Variants in CEP63 observed in about 807,000 individuals in gnomAD.
CEP63 encodes the protein centrosomal protein of 63 kDa.
In CEP63, 84 loss-of-function variants were observed where a neutral mutation model predicts 89.1. That is an observed-to-expected ratio of 0.94 (90% confidence interval 0.79 to 1.13). The LOEUF is 1.13. CEP63 is among the 50% of genes most tolerant of loss of function. The pLI is 0.00. For missense variants in CEP63, 838 were observed against 813.3 expected (o/e 1.03, Z -0.37); for synonymous variants, 267 against 272.5 (o/e 0.98, Z 0.20).
the CEP63 span, among the ~76,000 whole-genome samples, chr3:134,742,391 G>A: frequency 8.5e-5 from 13 of 152,264 alleles, no homozygotes; most frequent in South Asian, 2.3e-3. Flanking sequence ...TGGGTGGGTG[G>A]TGAACACCAG....
chr3:134,781,218 G>C, the CEP63 span, among the ~76,000 whole-genome samples: 7 of 151,818 alleles, frequency 4.6e-5, no homozygotes, highest in East Asian at 1.4e-3. Context: ...TGAACTTCAG[G>C]GTCAAATTGT....
At chr3:134,542,332 T>C (rs1041586566) in intron 6 of CEP63, among the ~76,000 whole-genome samples, 1 of 152,236 alleles carries the variant, frequency 6.6e-6, no homozygotes, top group African/African-American at 2.4e-5. Flanking sequence ...ATCTGTTGTC[T>C]TGGTAGAATT....
the CEP63 span, among the ~76,000 whole-genome samples, chr3:134,613,930 T>G: frequency 6.6e-5 from 10 of 152,176 alleles, no homozygotes; most frequent in African/African-American, 2.4e-4. Flanking sequence ...CCGCACACAC[T>G]GTGTATAAAG....
chr3:134,566,119 C>A (rs888389545), downstream of CEP63, among the ~76,000 whole-genome samples: 3 of 64,672 alleles, frequency 4.6e-5, no homozygotes, highest in South Asian at 7.9e-4. Flanking sequence ...TTCAGACATA[C>A]AATTCACATC....
chr3:134,495,051 G>C (rs1939306007), intron 1 of CEP63, among the ~76,000 whole-genome samples: 1 of 152,150 alleles, frequency 6.6e-6, no homozygotes, highest in Middle Eastern at 3.2e-3. Flanking sequence ...TGAGATATTT[G>C]ATATTTACAC....
chr3:134,654,483 A>T, the CEP63 span, among the ~76,000 whole-genome samples: 1 of 152,166 alleles, frequency 6.6e-6, no homozygotes, highest in Non-Finnish European at 1.5e-5. Context: ...GCACACAGAG[A>T]GTTCTGTGAG....
intron 12 of CEP63, chr3:134,553,133 C>T (rs886419937): frequency 6.6e-6 from 1 of 151,992 alleles, no homozygotes; most frequent in Non-Finnish European, 1.5e-5. Context: ...GAGAGTATTC[C>T]TCCAAAAAGA....
chr3:134,685,962 A>T, the CEP63 span, among the ~76,000 whole-genome samples: 22 of 152,288 alleles, frequency 1.4e-4, no homozygotes, highest in South Asian at 8.3e-4. Context: ...AATGTTACCT[A>T]CATTTCCTCT....
chr3:134,617,421 T>C, the CEP63 span, among the ~76,000 whole-genome samples: 4 of 152,130 alleles, frequency 2.6e-5, no homozygotes, highest in Non-Finnish European at 5.9e-5. Context: ...CTGAGATGGG[T>C]ATTCGCAGGG....
the CEP63 span, among the ~76,000 whole-genome samples, chr3:134,737,049 A>T: frequency 6.6e-6 from 1 of 152,224 alleles, no homozygotes; most frequent in African/African-American, 2.4e-5. Flanking sequence ...TTTTTGATCA[A>T]TGGAAAAAGG....
At chr3:134,531,704 T>C in intron 3 of CEP63, 141 bp from the exon 4 acceptor site, 2 of 644,224 alleles carry the variant, frequency 3.1e-6, no homozygotes, top group South Asian at 3.6e-5. Flanking sequence ...TTTGACTTCC[T>C]AAGAAGTGGG....
At chr3:134,729,777 A>T in the CEP63 span, among the ~76,000 whole-genome samples, 1 of 152,252 alleles carries the variant, frequency 6.6e-6, no homozygotes. Flanking sequence ...AAAGCCAGTT[A>T]GGGTCAGAGC....
the CEP63 span, among the ~76,000 whole-genome samples, chr3:134,704,824 T>C: frequency 2.0e-5 from 3 of 152,228 alleles, no homozygotes; most frequent in Non-Finnish European, 4.4e-5. Context: ...AATCCCAGAA[T>C]GGAAGAGCTA....
chr3:134,655,302 GT>G, the CEP63 span, among the ~76,000 whole-genome samples: 1 of 152,146 alleles, frequency 6.6e-6, no homozygotes, highest in Non-Finnish European at 1.5e-5. Flanking sequence ...TCACTGCTCT[GT>G]GGCCACTGTT....
At chr3:134,619,375 G>A in the CEP63 span, 1 of 784,102 alleles carries the variant, frequency 1.3e-6, no homozygotes, top group Non-Finnish European at 2.3e-6. Context: ...AAACTACAGT[G>A]GGCTGAATGG....
chr3:134,530,486 A>G (rs959337911), intron 3 of CEP63, among the ~76,000 whole-genome samples: 1 of 152,178 alleles, frequency 6.6e-6, no homozygotes, highest in African/African-American at 2.4e-5. Flanking sequence ...TCTTTTGTGT[A>G]CTAAAAGTTA....
At position 134,507,096 on chromosome 3, in the gene CEP63, T is replaced by C. The variant is rs770960496; in HGVS notation, c.45-13T>C. On this transcript the variant is annotated splice_polypyrimidine_tract_variant and intron_variant, in intron 2 of 14. Transcript: ENST00000675561. Reference sequence around the variant, plus strand: ...TATCTTCTGTTTTTTTAATGATCTGTTCTTCTTTATAGGGGATTTTTGACA... The same window carrying C: ...TATCTTCTGTTTTTTTAATGATCTGCTCTTCTTTATAGGGGATTTTTGACA... The C allele has an allele frequency of 6.2e-7, 1 of 1,611,106 alleles. No individual in the cohort carries two copies. The highest frequency in any genetic ancestry group is 8.5e-7 in the Non-Finnish European group (1 of 1,177,450).
the CEP63 span, among the ~76,000 whole-genome samples, chr3:134,774,517 G>A: frequency 6.6e-6 from 1 of 152,364 alleles, no homozygotes; most frequent in South Asian, 2.1e-4. Context: ...AGATGAGGCA[G>A]CCAGACAGGG....
the CEP63 span, among the ~76,000 whole-genome samples, chr3:134,647,714 G>T: frequency 1.3e-5 from 2 of 152,202 alleles, no homozygotes; most frequent in African/African-American, 4.8e-5. Flanking sequence ...AGGGCAGCAG[G>T]GTTGGTTATC....
Sources: allele counts gnomAD v4.1 joint callset (sites outside exome capture counted in the v4.1 genomes callset), GRCh38; gene constraint gnomAD v4.1.1; transcripts MANE v1.5; gene names NCBI Gene and HGNC (gene_info 2026-07-23, HGNC 2026-07-21).